DMC1: variants seen among roughly 807,000 people sequenced by gnomAD.
The protein encoded by DMC1 is DNA meiotic recombinase 1, also known as meiotic recombination protein DMC1 homolog.
Under a neutral mutation model 50.1 loss-of-function variants are expected in DMC1, and 27 were observed. That is an observed-to-expected ratio of 0.54 (90% confidence interval 0.40 to 0.74). The LOEUF is 0.74. Among genes scored for constraint, DMC1 ranks in the 30% least tolerant of loss-of-function variants. The pLI, the probability that DMC1 is intolerant of heterozygous loss-of-function variation, is 0.00. For missense variants in DMC1, 295 were observed against 420.2 expected (o/e 0.70, Z 2.60); for synonymous variants, 148 against 136.1 (o/e 1.09, Z -0.61).
At chr22:38,544,766 C>G (rs1052930989) in intron 8 of DMC1, among the ~76,000 whole-genome samples, 6 of 149,876 alleles carry the variant, frequency 4.0e-5, no homozygotes, top group Non-Finnish European at 8.9e-5. Flanking sequence ...GCTGGGACTA[C>G]AGGCACGTGC....
intron 5 of DMC1, among the ~76,000 whole-genome samples, chr22:38,556,151 G>A (rs1465140193): frequency 6.6e-6 from 1 of 152,066 alleles, no homozygotes; most frequent in African/African-American, 2.4e-5. Flanking sequence ...TATTAATTGG[G>A]TATTTAATAT....
chr22:38,509,657 T>G, the DMC1 span, among the ~76,000 whole-genome samples: 2 of 151,932 alleles, frequency 1.3e-5, no homozygotes, highest in Non-Finnish European at 2.9e-5. Flanking sequence ...GAGAGGCCTA[T>G]GTAGCTTTTT....
chr22:38,569,456 A>C (rs2090616118), intron 1 of DMC1: 2 of 152,282 alleles, frequency 1.3e-5, no homozygotes, highest in South Asian at 4.2e-4. Flanking sequence ...CAGCACCTCA[A>C]ACGGCAAAGG....
chr22:38,539,597 A>G (rs2090258062), intron 8 of DMC1, among the ~76,000 whole-genome samples, 185 bp from the exon 9 acceptor site: 1 of 152,244 alleles, frequency 6.6e-6, no homozygotes, highest in Non-Finnish European at 1.5e-5. Context: ...AAGTGCCTCA[A>G]CTTACCATAG....
chr22:38,532,313 T>C (rs2090161508), intron 12 of DMC1, among the ~76,000 whole-genome samples: 2 of 151,580 alleles, frequency 1.3e-5, no homozygotes, highest in African/African-American at 2.4e-5. Context: ...TCATTTATTG[T>C]CTTTCTTTTT....
At chr22:38,514,864 A>G (rs1303821099), downstream of DMC1, among the ~76,000 whole-genome samples, 1 of 151,830 alleles carries the variant, frequency 6.6e-6, no homozygotes, top group Non-Finnish European at 1.5e-5. Flanking sequence ...TGTTTAGCAC[A>G]TGCTCAAGAA....
At position 38,555,384 on chromosome 22, in the gene DMC1, T is replaced by C; in HGVS notation, c.352A>G (p.Ser118Gly). The C allele has an allele frequency of 4.3e-6, 7 of 1,609,494 alleles. No individual in the cohort carries two copies. The highest frequency in any genetic ancestry group is 6.0e-6 in the Non-Finnish European group (7 of 1,176,130). Reference protein sequence around the residue: ...FDKLLGGGIESMAITEAFGEF... With the variant: ...FDKLLGGGIEGMAITEAFGEF... ...CCAAAAGCTTCTGTAATTGCCATAC[T>C]TTCAATTCCACCTCCTAGTAACTTA... Residue 118 changes from serine to glycine, a missense_variant, in exon 6 of 14, where the codon AGT (serine) becomes GGT (glycine). Coordinates refer to ENST00000216024, the MANE Select transcript of DMC1 (RefSeq NM_007068.4).
downstream of DMC1, among the ~76,000 whole-genome samples, chr22:38,517,047 AG>A (rs2089980980): frequency 6.6e-6 from 1 of 152,068 alleles, no homozygotes; most frequent in South Asian, 2.1e-4. Flanking sequence ...AAATTTCAAT[AG>A]GCTCTAAATT....
At chr22:38,517,052 C>T (rs187948517), downstream of DMC1, among the ~76,000 whole-genome samples, 227 of 152,148 alleles carry the variant, frequency 1.5e-3, 1 homozygote, top group Admixed American at 4.1e-3. Context: ...TCAATAGGCT[C>T]TAAATTAGAT....
At chr22:38,545,512 T>A (rs561430952) in intron 8 of DMC1, among the ~76,000 whole-genome samples, 1 of 152,200 alleles carries the variant, frequency 6.6e-6, no homozygotes, top group African/African-American at 2.4e-5. Context: ...AAGCTCCGCC[T>A]CGCGGGTTCA....
intron 1 of DMC1, 127 bp from the exon 2 acceptor site, chr22:38,568,416 C>T: frequency 1.4e-6 from 1 of 701,726 alleles, no homozygotes; most frequent in Non-Finnish European, 2.5e-6. Flanking sequence ...TGAGGCCAGC[C>T]TATCTTCTTT....
intron 12 of DMC1, among the ~76,000 whole-genome samples, chr22:38,525,124 GTC>G (rs1357514733): frequency 2.0e-5 from 3 of 152,034 alleles, no homozygotes; most frequent in African/African-American, 7.2e-5. Context: ...AAATGTATGG[GTC>G]TTATTCCCCA....
At chr22:38,536,082 G>A (rs772861955) in intron 12 of DMC1, among the ~76,000 whole-genome samples, 16 of 151,656 alleles carry the variant, frequency 1.1e-4, no homozygotes, top group South Asian at 2.1e-4. Context: ...TTAGCCAGGC[G>A]TGGCGATGTG....
intron 8 of DMC1, among the ~76,000 whole-genome samples, chr22:38,541,656 ATTTTCCAGGTC>A (rs2090282477): frequency 6.6e-6 from 1 of 152,076 alleles, no homozygotes; most frequent in Admixed American, 6.6e-5. Flanking sequence ...GTCTGGTGTT[ATTTTCCAGGTC>A]TTCTCCCTGT....
intron 8 of DMC1, among the ~76,000 whole-genome samples, chr22:38,547,063 T>G (rs2090351235): frequency 6.6e-6 from 1 of 152,192 alleles, no homozygotes; most frequent in Non-Finnish European, 1.5e-5. Context: ...GTACAATGTT[T>G]TTAGATTTTT....
At chr22:38,550,302 T>TTTTTC (rs1303468607) in intron 7 of DMC1, among the ~76,000 whole-genome samples, 2 of 151,296 alleles carry the variant, frequency 1.3e-5, no homozygotes, top group South Asian at 4.1e-4. Context: ...ATTTTCTTTC[T>TTTTTC]TTTTCTTTTC....
intron 12 of DMC1, among the ~76,000 whole-genome samples, chr22:38,529,382 T>A (rs1338668699): frequency 6.6e-6 from 1 of 152,180 alleles, no homozygotes; most frequent in Non-Finnish European, 1.5e-5. Context: ...GCCTATCATC[T>A]TATTTCTTCT....
the DMC1 span, among the ~76,000 whole-genome samples, chr22:38,513,289 C>T: frequency 1.1e-4 from 16 of 152,306 alleles, no homozygotes; most frequent in Admixed American, 3.3e-4. Flanking sequence ...GTGTGAGCAG[C>T]CTCTAACCCC....
intron 6 of DMC1, among the ~76,000 whole-genome samples, chr22:38,554,837 C>T (rs193053192): frequency 1.4e-3 from 214 of 151,814 alleles, no homozygotes; most frequent in African/African-American, 4.9e-3. Flanking sequence ...CAGTGGCTCA[C>T]GCCTGTAATC....
Sources: allele counts gnomAD v4.1 joint callset (sites outside exome capture counted in the v4.1 genomes callset), GRCh38; gene constraint gnomAD v4.1.1; transcripts MANE v1.5; gene names NCBI Gene and HGNC (gene_info 2026-07-23, HGNC 2026-07-21).